Variants in CES5A observed in about 807,000 individuals in gnomAD.
CES5A encodes carboxylesterase 5A, also known as carboxylesterase 5.
In CES5A, 67 loss-of-function variants were observed where a neutral mutation model predicts 62.9. The observed-to-expected ratio is 1.07, with a 90% CI of 0.88 to 1.31. The LOEUF (loss-of-function observed/expected upper bound fraction) is 1.31, where lower values mean the gene tolerates loss of function less well. Ranked by LOEUF, CES5A falls within the 50% of genes most tolerant of loss-of-function variation. The probability of loss-of-function intolerance (pLI) is 0.00; values close to 1 mark genes in which losing one functional copy is unlikely to be tolerated. For missense variants in CES5A, 748 were observed against 708.5 expected, an observed-to-expected ratio of 1.06 and a Z score of -0.63; for synonymous variants, 296 against 280.8, an observed-to-expected ratio of 1.05 and a Z score of -0.54.
chr16:55,925,559 A>G (rs1276485465), upstream of CES5A: 1 of 152,128 alleles, frequency 6.6e-6, no homozygotes, highest in East Asian at 1.9e-4. Flanking sequence ...AAATCTCTGC[A>G]TTCCCATATT....
chr16:55,866,676 A>C (rs1418153093), intron 4 of CES5A, among the ~76,000 whole-genome samples: 1 of 138,630 alleles, frequency 7.2e-6, no homozygotes, highest in African/African-American at 2.7e-5. Flanking sequence ...AAAAAAAAAA[A>C]AATACAAAAA....
intron 6 of CES5A, among the ~76,000 whole-genome samples, chr16:55,862,086 T>C (rs1180769519): frequency 1.3e-5 from 2 of 152,116 alleles, no homozygotes; most frequent in African/African-American, 4.8e-5. Context: ...ACTCCTTCCC[T>C]CCACGATGTC....
chr16:55,940,373 C>A (rs1346766476), intron 2 of CES5A, among the ~76,000 whole-genome samples: 1 of 151,728 alleles, frequency 6.6e-6, no homozygotes. Flanking sequence ...GTCCTGTGGC[C>A]ATTAAAAATA....
intron 2 of CES5A, among the ~76,000 whole-genome samples, chr16:55,943,219 A>G (rs1296806298): frequency 6.6e-6 from 1 of 152,230 alleles, no homozygotes; most frequent in Non-Finnish European, 1.5e-5. Context: ...TATTTTCTAC[A>G]AACCATTTTC....
At chr16:55,907,774 T>C (rs749876740) in intron 1 of CES5A, among the ~76,000 whole-genome samples, 2 of 152,088 alleles carry the variant, frequency 1.3e-5, no homozygotes, top group Non-Finnish European at 2.9e-5. Flanking sequence ...AGAGATGAGC[T>C]CGACCTGACA....
At chr16:55,875,513 C>T (rs1347498219), upstream of CES5A, 3 of 582,936 alleles carry the variant, frequency 5.1e-6, no homozygotes, top group Non-Finnish European at 5.4e-6. Flanking sequence ...ACATTCCAGA[C>T]CAGGCAAGAC....
chr16:55,891,396 T>C (rs574537331), intron 1 of CES5A, among the ~76,000 whole-genome samples: 1 of 152,362 alleles, frequency 6.6e-6, no homozygotes, highest in East Asian at 1.9e-4. Context: ...AAAACTTTAT[T>C]TCTAACATCC....
chr16:55,944,113 T>G (rs1320036301), intron 2 of CES5A: 2 of 702,014 alleles, frequency 2.8e-6, no homozygotes, highest in African/African-American at 1.7e-5. Context: ...CCAAGGAGAC[T>G]TCAAGGGATC....
chr16:55,897,185 T>C (rs2033942859), intron 1 of CES5A, among the ~76,000 whole-genome samples: 1 of 152,008 alleles, frequency 6.6e-6, no homozygotes, highest in Non-Finnish European at 1.5e-5. Context: ...GCCAAGAGCA[T>C]CCAACCCCAG....
rs58973538 is a variant in CES5A, at chr16:55,892,042, G to A, written c.-255-18005C>T. Among the ~76,000 whole-genome samples, 859 of 152,220 alleles carry A rather than the reference G, an allele frequency of 5.6e-3. 12 individuals are homozygous for A. The highest frequency in any genetic ancestry group is 0.018 in the African/African-American group (767 of 41,526). On this transcript the variant is annotated intron_variant, in intron 1 of 12. Transcript: ENST00000518005. ...CCCATCCTGAAGAGATTAACTGAAA[G>A]TCTAGCACCTTTTAAAGGCTTGAAT...
intron 1 of CES5A, among the ~76,000 whole-genome samples, chr16:55,890,721 T>C (rs1388724016): frequency 2.0e-5 from 3 of 152,132 alleles, no homozygotes; most frequent in Non-Finnish European, 4.4e-5. Context: ...TCTGTTTTTT[T>C]CTTATCTTGC....
At chr16:55,906,417 G>A (rs1228868736) in intron 1 of CES5A, among the ~76,000 whole-genome samples, 2 of 152,214 alleles carry the variant, frequency 1.3e-5, no homozygotes, top group Non-Finnish European at 2.9e-5. Flanking sequence ...TGGTCACAGA[G>A]GAGCCAAGCC....
Position 55,849,640 on chromosome 16 carries a change from C to T in CES5A, c.1407G>A (p.Gly469=). Residue 469 remains glycine (G), a synonymous_variant, in exon 11 of 13, where the codon GGG becomes GGA. Transcript: ENST00000290567. Reference sequence around the variant, plus strand: ...GTCCCTTACCGAACATAACAATGTCCCCCTTCAGGAAGGCACCACCGAACA... The same window carrying T: ...GTCCCTTACCGAACATAACAATGTCTCCCTTCAGGAAGGCACCACCGAACA... The part of the protein sequence containing the change: ...RFVFGGAFLK[G]DIVMFEGATE... 1.2e-6 allele frequency: 2 copies of T among 1,613,914 alleles called. No homozygotes were observed. The highest frequency in any genetic ancestry group is 1.7e-5 in the Admixed American group (1 of 60,018).
At chr16:55,860,759 C>T (rs2033336119) in intron 7 of CES5A, among the ~76,000 whole-genome samples, 1 of 152,190 alleles carries the variant, frequency 6.6e-6, no homozygotes, top group Non-Finnish European at 1.5e-5. Flanking sequence ...GACTTATTAT[C>T]CATTTCACTG....
rs549375987 is a variant in CES5A at position 55,930,631 on chromosome 16, G to C, written c.160+19154C>G. ...TTTGGACTTCCCAGTCTTCAGAACTGTCCCAGGCTTTTCTGACTCCCTTTT... is the reference window on the plus strand; with the variant it reads ...TTTGGACTTCCCAGTCTTCAGAACTCTCCCAGGCTTTTCTGACTCCCTTTT... On this transcript the variant is annotated intron_variant, in intron 2 of 13. Transcript: ENST00000521992. 2.0e-4 allele frequency among the ~76,000 whole-genome samples: 30 copies of C among 152,294 alleles called. 1 individual carries two copies. In the East Asian group the frequency reaches 5.6e-3, roughly 28 times the overall value.
At chr16:55,875,790 A>G (rs57161061), upstream of CES5A, among the ~76,000 whole-genome samples, 1 of 151,746 alleles carries the variant, frequency 6.6e-6, no homozygotes, top group African/African-American at 2.4e-5. Context: ...CGATTATATT[A>G]TTTCCCCTCT....
chr16:55,903,931 G>T (rs889895801), intron 1 of CES5A, among the ~76,000 whole-genome samples: 4 of 152,166 alleles, frequency 2.6e-5, no homozygotes, highest in Admixed American at 1.3e-4. Flanking sequence ...TGGGGAAAAC[G>T]TTGCAAGAAG....
At chr16:55,929,698 G>T (rs546185088), upstream of CES5A, among the ~76,000 whole-genome samples, 3 of 152,156 alleles carry the variant, frequency 2.0e-5, no homozygotes, top group Admixed American at 2.0e-4. Context: ...GACAGCATCC[G>T]ACAGGGCATA....
chr16:55,886,761 A>T (rs901875507), intron 1 of CES5A, among the ~76,000 whole-genome samples: 4 of 152,140 alleles, frequency 2.6e-5, no homozygotes, highest in African/African-American at 9.7e-5. Context: ...TACTCAGGAT[A>T]TGGATTTATG....
Sources: allele counts gnomAD v4.1 joint callset (sites outside exome capture counted in the v4.1 genomes callset), GRCh38; gene constraint gnomAD v4.1.1; transcripts MANE v1.5; gene names NCBI Gene and HGNC (gene_info 2026-07-23, HGNC 2026-07-21).